Variants in ABHD12 observed in about 807,000 individuals in gnomAD.
The protein encoded by ABHD12 is abhydrolase domain containing 12, lysophospholipase, also known as lysophosphatidylserine lipase ABHD12.
Under a neutral mutation model 58.3 loss-of-function variants are expected in ABHD12, and 43 were observed. The observed-to-expected ratio is 0.74, with a 90% CI of 0.58 to 0.95. The LOEUF is 0.95. Ranked by LOEUF, ABHD12 falls within the 40% of genes least tolerant of loss-of-function variation. ABHD12 has a pLI of 0.00. For synonymous variants in ABHD12, 219 were observed against 211.2 expected (o/e 1.04, Z -0.32); for missense variants, 539 against 537.2 (o/e 1.00, Z -0.03).
chr20:25,376,764 C>T (rs781699842), intron 1 of ABHD12, among the ~76,000 whole-genome samples: 1 of 152,176 alleles, frequency 6.6e-6, no homozygotes, highest in Non-Finnish European at 1.5e-5. Flanking sequence ...TCCACTCTAG[C>T]CTTCAGTGAA....
intron 1 of ABHD12, among the ~76,000 whole-genome samples, chr20:25,367,731 T>C (rs2089842817): frequency 6.6e-6 from 1 of 152,254 alleles, no homozygotes; most frequent in Admixed American, 6.5e-5. Flanking sequence ...ATTCATGTTG[T>C]AGCATATTTC....
intron 9 of ABHD12, 52 bp from the exon 10 acceptor site, chr20:25,306,967 C>A (rs2088755607): frequency 1.5e-6 from 2 of 1,356,242 alleles, no homozygotes; most frequent in African/African-American, 1.4e-5. Flanking sequence ...GATATCCAGG[C>A]ACAGGTCAAG....
chr20:25,382,886 T>C (rs950570332), intron 1 of ABHD12, among the ~76,000 whole-genome samples: 3 of 151,454 alleles, frequency 2.0e-5, no homozygotes, highest in African/African-American at 7.3e-5. Context: ...CTGGCTGGAG[T>C]GCAGCATTGA....
intron 1 of ABHD12, among the ~76,000 whole-genome samples, chr20:25,373,492 A>T (rs987698757): frequency 6.6e-6 from 1 of 152,070 alleles, no homozygotes; most frequent in South Asian, 2.1e-4. Context: ...GGTTGCAGTG[A>T]GCAGAGATTG....
intron 3 of ABHD12, among the ~76,000 whole-genome samples, chr20:25,322,690 A>T (rs1208258648): frequency 1.3e-5 from 2 of 149,624 alleles, no homozygotes; most frequent in Non-Finnish European, 3.0e-5. Context: ...TGGATGGAAG[A>T]TATATTCAAA....
downstream of ABHD12, chr20:25,296,576 A>C (rs1423842168): frequency 6.4e-7 from 1 of 1,561,304 alleles, no homozygotes; most frequent in Non-Finnish European, 8.7e-7. Flanking sequence ...CTGACTTTGC[A>C]CCTCCTTTTT....
At chr20:25,306,960 A>G (rs1445709663) in intron 9 of ABHD12, 45 bp from the exon 10 acceptor site, 12 of 1,402,946 alleles carry the variant, frequency 8.6e-6, no homozygotes, top group Non-Finnish European at 1.2e-5. Flanking sequence ...TGGTTAAGAT[A>G]TCCAGGCACA....
At chr20:25,303,158 C>A in intron 11 of ABHD12, 1 of 1,031,890 alleles carries the variant, frequency 9.7e-7, no homozygotes, top group Non-Finnish European at 1.2e-6. Flanking sequence ...TTGGGAGATC[C>A]TCATCAAGGG....
chr20:25,359,885 T>A (rs1031878909), intron 1 of ABHD12, among the ~76,000 whole-genome samples: 7 of 152,200 alleles, frequency 4.6e-5, no homozygotes, highest in Non-Finnish European at 8.8e-5. Context: ...ACTTTTTATA[T>A]TAAGGATGCT....
chr20:25,384,056 C>T (rs2090056610), intron 1 of ABHD12, among the ~76,000 whole-genome samples: 1 of 149,508 alleles, frequency 6.7e-6, no homozygotes, highest in African/African-American at 2.5e-5. Context: ...GCAGGAGAAT[C>T]GCTTGAATCT....
In ABHD12 at chr20:25,379,414, G is replaced by A. The variant is rs573292614; in HGVS notation, c.191+11099C>T. On this transcript the variant is annotated intron_variant, in intron 1 of 12. Coordinates refer to ENST00000339157, the MANE Select transcript of ABHD12 (RefSeq NM_001042472.3). ...TGCTTATTTCCTAAGGACAGCACAA[G>A]CACTCAGAAGAGAACTGGCAGATTC... is the stretch of plus-strand genomic sequence containing the variant. Among the ~76,000 whole-genome samples, 4 of 152,298 alleles carry A rather than the reference G, an allele frequency of 2.6e-5. No homozygotes were observed. In the South Asian group the frequency reaches 8.3e-4, roughly 32 times the overall value.
intron 1 of ABHD12, among the ~76,000 whole-genome samples, chr20:25,383,891 G>A (rs1273665133): frequency 2.1e-5 from 3 of 146,148 alleles, no homozygotes; most frequent in East Asian, 2.0e-4. Flanking sequence ...GCACACGGAG[G>A]TTGCAGTGAG....
intron 1 of ABHD12, among the ~76,000 whole-genome samples, chr20:25,384,516 G>C (rs941594903): frequency 2.0e-5 from 3 of 151,802 alleles, no homozygotes; most frequent in African/African-American, 7.2e-5. Context: ...AGGCTTAGGC[G>C]GGTGGATCAC....
At chr20:25,315,804 C>T (rs996211185) in intron 5 of ABHD12, among the ~76,000 whole-genome samples, 1 of 151,514 alleles carries the variant, frequency 6.6e-6, no homozygotes, top group Non-Finnish European at 1.5e-5. Flanking sequence ...TAAAATCCTC[C>T]AATAGCTCAG....
chr20:25,350,186 CAG>C (rs1371279126), intron 1 of ABHD12, among the ~76,000 whole-genome samples: 1 of 152,094 alleles, frequency 6.6e-6, no homozygotes, highest in Non-Finnish European at 1.5e-5. Context: ...AAATACTAGA[CAG>C]AGATAGGATA....
chr20:25,329,867 C>T (rs2146000543), intron 2 of ABHD12, among the ~76,000 whole-genome samples: 1 of 152,318 alleles, frequency 6.6e-6, no homozygotes, highest in South Asian at 2.1e-4. Context: ...AGAAAGGTAA[C>T]AGGAGTCAAC....
At chr20:25,389,087 T>C (rs1017557339) in intron 1 of ABHD12, among the ~76,000 whole-genome samples, 1 of 152,230 alleles carries the variant, frequency 6.6e-6, no homozygotes, top group Non-Finnish European at 1.5e-5. Flanking sequence ...ATTACAGGCG[T>C]GAGCCACCGC....
chr20:25,379,918 G>A (rs1266385837), intron 1 of ABHD12, among the ~76,000 whole-genome samples: 1 of 151,162 alleles, frequency 6.6e-6, no homozygotes, highest in Non-Finnish European at 1.5e-5. Flanking sequence ...TCAGATTCCT[G>A]GGCTCAAGTG....
chr20:25,341,178 C>T (rs934816645), intron 1 of ABHD12, among the ~76,000 whole-genome samples: 1 of 152,254 alleles, frequency 6.6e-6, no homozygotes, highest in Non-Finnish European at 1.5e-5. Flanking sequence ...GGCGCCCGCA[C>T]TTGTGCTGTG....
Sources: allele counts gnomAD v4.1 joint callset (sites outside exome capture counted in the v4.1 genomes callset), GRCh38; gene constraint gnomAD v4.1.1; transcripts MANE v1.5; gene names NCBI Gene and HGNC (gene_info 2026-07-23, HGNC 2026-07-21).